Variants in ZFP92 observed in about 807,000 individuals in gnomAD.
ZFP92 encodes the protein zinc finger protein 92 homolog.
A neutral mutation model predicts 7.6 loss-of-function variants in ZFP92; 2 were observed. That is an observed-to-expected ratio of 0.26 (90% CI 0.11 to 0.83). The LOEUF is 0.83. Among genes scored for constraint, ZFP92 ranks in the 40% least tolerant of loss-of-function variants. The pLI, the probability that ZFP92 is intolerant of heterozygous loss-of-function variation, is 0.65. For missense variants in ZFP92, 324 were observed against 408.3 expected, an observed-to-expected ratio of 0.79 and a Z score of 1.78; for synonymous variants, 226 against 183.6, an observed-to-expected ratio of 1.23 and a Z score of -1.87.
chrX:153,425,891 CCTT>C lies in ZFP92; in HGVS notation c.*4264_*4266del, dbSNP rs1254833914. The C allele has an allele frequency of 9.0e-6, 1 of 111,634 alleles. No homozygotes were observed. The highest frequency in any genetic ancestry group is 1.9e-5 in the Non-Finnish European group (1 of 53,075). 9.2% of individuals were successfully genotyped at this position (111,634 alleles called of 1,213,427 possible). The stretch of plus-strand genomic sequence containing the variant: ...ACTTTTGAGAGGAGCGCAGTGCCCT[CCTT>C]TTGTGTTCAGGAAGGCCAAATTAGA... On this transcript the variant is annotated 3_prime_UTR_variant, in exon 6 of 6. Transcript: ENST00000338647.
chrX:153,412,936 A>G (rs1295273461), intron 2 of ZFP92, among the ~76,000 whole-genome samples: 1 of 112,056 alleles, frequency 8.9e-6, no homozygotes, highest in East Asian at 2.8e-4. Flanking sequence ...CCCAGCTGCA[A>G]GGAAGCTCCT....
In ZFP92 at chrX:153,421,070, C is replaced by T; in HGVS notation, c.693C>T (p.Ser231=). 2 of 1,187,295 alleles carry T rather than the reference C, an allele frequency of 1.7e-6. No individual in the cohort carries two copies. Among genetic ancestry groups the T allele is most frequent in the South Asian group, 1.8e-5 (1 of 54,287 alleles). Reference sequence around the variant, plus strand: ...TCATCAAGCACCAGGTCATCCACAGCGGCGAGCGGCCCTTCGCCTGCGGCG... The same window carrying T: ...TCATCAAGCACCAGGTCATCCACAGTGGCGAGCGGCCCTTCGCCTGCGGCG... ...SNLIKHQVIH[S]GERPFACGDC... Residue 231 remains serine, a synonymous_variant, in exon 6 of 6, where the codon AGC becomes AGT. Coordinates refer to ENST00000338647, the MANE Select transcript of ZFP92 (RefSeq NM_001136273.2).
rs1306812045 is a variant in ZFP92 at position 153,421,124 on chromosome X, C to T, written c.747C>T (p.Phe249=). 1 of 1,175,269 alleles carries T rather than the reference C, an allele frequency of 8.5e-7. No homozygotes were observed. Among genetic ancestry groups the T allele is most frequent in the Non-Finnish European group, 1.1e-6 (1 of 877,809 alleles). Residue 249 remains phenylalanine (F), a synonymous_variant, in exon 6 of 6, where the codon TTC becomes TTT. Coordinates refer to ENST00000338647, the MANE Select transcript of ZFP92 (RefSeq NM_001136273.2). ...GDCGKLFRRS[F]ALLEHARVHS... ...GCGGCAAACTGTTCCGCCGCAGCTTCGCGCTCCTGGAGCACGCGCGCGTGC... is the reference window on the plus strand; with the variant it reads ...GCGGCAAACTGTTCCGCCGCAGCTTTGCGCTCCTGGAGCACGCGCGCGTGC...
In ZFP92 at chrX:153,418,816, C is replaced by T. The variant is rs782579049; in HGVS notation, c.160+17C>T. On this transcript the variant is annotated intron_variant, in intron 4 of 5. Transcript: ENST00000338647. ...TGTCACTGGGTAAGTGATCCCTCCA[C>T]GACATACACACACCCAGTCCCACCT... The T allele has an allele frequency of 5.2e-6, 6 of 1,163,152 alleles. No homozygotes were observed. The highest frequency in any genetic ancestry group is 3.8e-5 in the South Asian group (2 of 51,989).
chrX:153,421,795 T>A lies in ZFP92; in HGVS notation c.*167T>A. 1.6e-6 allele frequency: 1 copy of A among 633,269 alleles called. No homozygotes were observed. The highest frequency in any genetic ancestry group is 2.0e-6 in the Non-Finnish European group (1 of 493,784). 52.2% of individuals were successfully genotyped at this position (633,269 alleles called of 1,213,427 possible). On this transcript the variant is annotated 3_prime_UTR_variant, in exon 6 of 6. Coordinates refer to ENST00000338647, the MANE Select transcript of ZFP92 (RefSeq NM_001136273.2). ...GAAGACCCCAGGCAGAGCCTCACCC[T>A]GAGGCTGAGAAACGCAGGAAGGACT...
intron 2 of ZFP92, among the ~76,000 whole-genome samples, chrX:153,415,942 G>A (rs1341828808): frequency 1.8e-5 from 2 of 110,929 alleles, no homozygotes; most frequent in Non-Finnish European, 3.8e-5. Context: ...TCCCTTTGAC[G>A]ACTCTCTCAT....
intron 4 of ZFP92, among the ~76,000 whole-genome samples, chrX:153,419,642 G>A (rs1257367377): frequency 8.9e-6 from 1 of 112,400 alleles, no homozygotes; most frequent in Non-Finnish European, 1.9e-5. Flanking sequence ...CCGCTGGAGG[G>A]GAAATCCAGA....
exon 6 of ZFP92, chrX:153,426,476 G>GTACCAGT (rs1163839881): frequency 1.8e-5 from 2 of 111,166 alleles, no homozygotes; most frequent in African/African-American, 6.6e-5. Context: ...GAACATTTGT[G>GTACCAGT]TACCAGTTTC....
chrX:153,421,530 G>T lies in ZFP92; in HGVS notation c.1153G>T (p.Ala385Ser), dbSNP rs1489969681. 1 of 1,127,935 alleles carries T rather than the reference G, an allele frequency of 8.9e-7. No homozygotes were observed. The highest frequency in any genetic ancestry group is 1.9e-5 in the African/African-American group (1 of 53,722). The allele number at this position is 1,127,935 out of a possible 1,213,427, so 93.0% of individuals were successfully genotyped here. A position where few individuals can be genotyped will look rare whatever the true frequency, so the allele number is the denominator to read the frequency against. Residue 385 changes from alanine to serine, a missense_variant, in exon 6 of 6, where the codon GCG becomes TCG. By Grantham distance (99) the Ala-to-Ser change is moderately conservative. Transcript: ENST00000338647. ...PAKAETARRL[A>S]GPGSTGPGSA... ...GAAGGCGGAGACGGCGCGGAGGCTA[G>T]CGGGCCCTGGGAGCACCGGCCCTGG...
At position 153,425,741 on chromosome X, in the gene ZFP92, C is replaced by T. The variant is rs1195853121; in HGVS notation, c.*4113C>T. 1 of 111,370 alleles carries T rather than the reference C, an allele frequency of 9.0e-6. No individual in the cohort carries two copies. The highest frequency in any genetic ancestry group is 1.9e-5 in the Non-Finnish European group (1 of 53,007). 9.2% of individuals were successfully genotyped at this position (111,370 alleles called of 1,213,427 possible). ...AGGGGCTCCCACTTGCCATGGGACTCGCAGCTGGTTCCATCCGATGCCAGC... is the reference window on the plus strand; with the variant it reads ...AGGGGCTCCCACTTGCCATGGGACTTGCAGCTGGTTCCATCCGATGCCAGC... On this transcript the variant is annotated 3_prime_UTR_variant, in exon 6 of 6. Transcript: ENST00000338647.
chrX:153,415,958 C>T (rs1602890985), intron 2 of ZFP92, among the ~76,000 whole-genome samples: 1 of 111,283 alleles, frequency 9.0e-6, no homozygotes, highest in East Asian at 2.8e-4. Context: ...CTCATTTACG[C>T]CAGCATCTCA....
At chrX:153,414,208 C>T (rs945142316) in intron 2 of ZFP92, among the ~76,000 whole-genome samples, 3 of 112,451 alleles carry the variant, frequency 2.7e-5, no homozygotes, top group African/African-American at 9.7e-5. Flanking sequence ...TACCTCCCCA[C>T]GCACCTTTAG....
chrX:153,413,831 A>G (rs1185131111), intron 2 of ZFP92, among the ~76,000 whole-genome samples: 1 of 112,425 alleles, frequency 8.9e-6, no homozygotes, highest in Non-Finnish European at 1.9e-5. Flanking sequence ...TTGAAATTGT[A>G]GATGATTTTC....
At chrX:153,413,204 C>T (rs1159950349) in intron 2 of ZFP92, among the ~76,000 whole-genome samples, 1 of 109,055 alleles carries the variant, frequency 9.2e-6, no homozygotes, top group Non-Finnish European at 1.9e-5. Flanking sequence ...CCTGCTCCCA[C>T]CGAGTGGGAC....
In ZFP92 at chrX:153,421,304, C is replaced by T; in HGVS notation, c.927C>T (p.His309=). 1 of 1,168,631 alleles carries T rather than the reference C, an allele frequency of 8.6e-7. No individual in the cohort carries two copies. The highest frequency in any genetic ancestry group is 1.1e-6 in the Non-Finnish European group (1 of 876,238). ...TCAAGGGCGTCTCGCAGCTCATCCACCACCAGCGCAGCCACAGCGGCGAGC... is the reference window on the plus strand; with the variant it reads ...TCAAGGGCGTCTCGCAGCTCATCCATCACCAGCGCAGCCACAGCGGCGAGC... The part of the protein sequence containing the change: ...KAFKGVSQLI[H]HQRSHSGERP... The change falls in exon 6 of 6, where the codon CAC becomes CAT. Residue 309 remains histidine (H), a synonymous_variant. Transcript: ENST00000338647.
In ZFP92 at chrX:153,411,472, G is replaced by A. The variant is rs1048726074; in HGVS notation, c.-299G>A. On this transcript the variant is annotated 5_prime_UTR_variant, in exon 1 of 6. Transcript: ENST00000338647. ...CCCACGCTGCCGCCGCCCCGGCCCC[G>A]CCCGCTCCCGGCCCGCTCGTCGGCG... is the stretch of plus-strand genomic sequence containing the variant. Among the ~76,000 whole-genome samples the A allele has an allele frequency of 4.5e-5, 5 of 110,106 alleles. No homozygotes were observed. The highest frequency in any genetic ancestry group is 7.7e-5 in the Non-Finnish European group (4 of 52,070).
chrX:153,420,055 A>G (rs1011160961), intron 4 of ZFP92, among the ~76,000 whole-genome samples, 173 bp from the exon 5 acceptor site: 3 of 112,554 alleles, frequency 2.7e-5, no homozygotes, highest in Non-Finnish European at 5.6e-5. Flanking sequence ...CTGGACGCGC[A>G]GGAGCCCTTG....
chrX:153,419,586 GACACTCCACTTCCCAGTGGAAATGGAA>G (rs1307823408), intron 4 of ZFP92, among the ~76,000 whole-genome samples: 2 of 112,326 alleles, frequency 1.8e-5, no homozygotes, highest in Non-Finnish European at 3.8e-5. Context: ...GCTAAGCTCA[GACACTCCACTTCCCAGTGGAAATGGAA>G]ACACTCCACT....
At chrX:153,417,909 G>A (rs2088966199) in intron 2 of ZFP92, among the ~76,000 whole-genome samples, 1 of 111,809 alleles carries the variant, frequency 8.9e-6, no homozygotes, top group South Asian at 3.8e-4. Flanking sequence ...GGGAAATTGG[G>A]ACACAGACAC....
Sources: allele counts gnomAD v4.1 joint callset (sites outside exome capture counted in the v4.1 genomes callset), GRCh38; gene constraint gnomAD v4.1.1; transcripts MANE v1.5; gene names NCBI Gene and HGNC (gene_info 2026-07-23, HGNC 2026-07-21).